Variants in STPG2 observed in about 807,000 individuals in gnomAD.
STPG2 encodes the protein sperm-tail PG-rich repeat-containing protein 2.
A neutral mutation model predicts 54.2 loss-of-function variants in STPG2; 56 were observed. That is an observed-to-expected ratio of 1.03 (90% CI 0.83 to 1.29). STPG2 has a LOEUF of 1.29. Ranked by LOEUF, STPG2 falls within the 50% of genes most tolerant of loss-of-function variation. The probability of loss-of-function intolerance (pLI) is 0.00; values close to 1 mark genes in which losing one functional copy is unlikely to be tolerated. For synonymous variants in STPG2, 200 were observed against 181.8 expected (o/e 1.10, Z -0.81); for missense variants, 596 against 544.9 (o/e 1.09, Z -0.93).
intron 9 of STPG2, among the ~76,000 whole-genome samples, chr4:97,826,765 G>A (rs1300517235): frequency 2.0e-5 from 3 of 152,166 alleles, no homozygotes; most frequent in African/African-American, 7.2e-5. Flanking sequence ...TTATTGGTAT[G>A]TATTCCAAAA....
chr4:97,728,447 G>A (rs1724687440), intron 9 of STPG2, among the ~76,000 whole-genome samples: 1 of 151,942 alleles, frequency 6.6e-6, no homozygotes, highest in African/African-American at 2.4e-5. Flanking sequence ...ACGTAACTCG[G>A]TAGAAATTAT....
chr4:97,458,786 C>A (rs1366012434), intron 4 of STPG2, among the ~76,000 whole-genome samples: 1 of 152,068 alleles, frequency 6.6e-6, no homozygotes, highest in Non-Finnish European at 1.5e-5. Flanking sequence ...AATACTGAAA[C>A]TAATCATACC....
Position 97,983,549 on chromosome 4 carries a change from C to G in STPG2, c.613-2231G>C, listed in dbSNP as rs113307832. Among the ~76,000 whole-genome samples the G allele has an allele frequency of 5.6e-3, 858 of 152,180 alleles. 4 individuals are homozygous for G. Among genetic ancestry groups the G allele is most frequent in the Middle Eastern group, 0.02 (6 of 294 alleles). ...AATTCATTACTGAGCAGGTGGGGGG[C>G]CCTTCATATTGTTTCCTATGTCCCT... is the stretch of plus-strand genomic sequence containing the variant. On this transcript the variant is annotated intron_variant, in intron 5 of 10. Transcript: ENST00000295268.
intron 7 of STPG2, among the ~76,000 whole-genome samples, chr4:97,959,830 C>A (rs1382344482): frequency 6.6e-6 from 1 of 151,996 alleles, no homozygotes; most frequent in Non-Finnish European, 1.5e-5. Context: ...AGAGGGAAAC[C>A]TCTCTAAATC....
chr4:97,959,949 C>A (rs549290095), intron 7 of STPG2, among the ~76,000 whole-genome samples: 1 of 151,990 alleles, frequency 6.6e-6, no homozygotes, highest in Non-Finnish European at 1.5e-5. Context: ...AAATCCTTAA[C>A]AAAATACTAG....
chr4:97,590,469 C>T (rs61154600), intron 10 of STPG2, among the ~76,000 whole-genome samples: 20,119 of 151,734 alleles, frequency 0.13, 4,095 homozygotes, highest in African/African-American at 0.44. Context: ...ACATCGAGGT[C>T]GTTTGTCCTA....
chr4:97,493,461 C>G (rs1205049571), intron 4 of STPG2, among the ~76,000 whole-genome samples: 2 of 150,944 alleles, frequency 1.3e-5, no homozygotes, highest in African/African-American at 4.9e-5. Flanking sequence ...TAAAGTTACT[C>G]AAGGAGAATA....
At chr4:97,652,830 CA>C (rs1722108617) in intron 10 of STPG2, among the ~76,000 whole-genome samples, 1 of 151,970 alleles carries the variant, frequency 6.6e-6, no homozygotes. Context: ...GTAGATTACA[CA>C]ACAACTCAGT....
intron 5 of STPG2, among the ~76,000 whole-genome samples, chr4:97,996,585 A>G (rs947634634): frequency 6.6e-5 from 10 of 150,902 alleles, no homozygotes; most frequent in Non-Finnish European, 1.0e-4. Context: ...ACCAATTGCA[A>G]CAAAAACAAA....
chr4:97,935,490 T>A (rs928711315), intron 8 of STPG2, among the ~76,000 whole-genome samples: 1 of 152,212 alleles, frequency 6.6e-6, no homozygotes, highest in East Asian at 1.9e-4. Flanking sequence ...TGATTTGAGA[T>A]CTTTCTAGCT....
intron 9 of STPG2, among the ~76,000 whole-genome samples, chr4:97,766,923 A>C (rs2149058754): frequency 6.6e-6 from 1 of 152,126 alleles, no homozygotes; most frequent in Middle Eastern, 3.4e-3. Context: ...GTAGTGTACA[A>C]CCACTAAATA....
At chr4:97,973,464 A>G (rs1734402876) in intron 6 of STPG2, among the ~76,000 whole-genome samples, 1 of 152,214 alleles carries the variant, frequency 6.6e-6, no homozygotes, top group African/African-American at 2.4e-5. Flanking sequence ...TGACAATGAT[A>G]GAAAAACAAA....
At chr4:97,596,206 A>G (rs891096165) in intron 10 of STPG2, among the ~76,000 whole-genome samples, 10 of 152,208 alleles carry the variant, frequency 6.6e-5, no homozygotes, top group Non-Finnish European at 2.9e-5. Context: ...TTTAACAAGA[A>G]GACCTAACTG....
chr4:97,809,252 GA>G (rs1308291121), intron 9 of STPG2, among the ~76,000 whole-genome samples: 2 of 152,104 alleles, frequency 1.3e-5, no homozygotes, highest in African/African-American at 2.4e-5. Flanking sequence ...TTGTAAAAAG[GA>G]AGGACTATAG....
intron 10 of STPG2, among the ~76,000 whole-genome samples, chr4:97,622,399 T>G (rs1222605887): frequency 2.0e-5 from 3 of 152,100 alleles, no homozygotes; most frequent in African/African-American, 7.2e-5. Flanking sequence ...GCCCAAAAGT[T>G]TCTTGATTAG....
intron 4 of STPG2, among the ~76,000 whole-genome samples, chr4:97,486,837 A>G (rs1228140026): frequency 1.4e-5 from 2 of 141,252 alleles, no homozygotes; most frequent in African/African-American, 5.6e-5. Flanking sequence ...GTGTATATAT[A>G]TATATATATA....
In STPG2 at chr4:97,676,750, T is replaced by C. The variant is rs191319975; in HGVS notation, c.1320+35949A>G. 3.6e-3 allele frequency among the ~76,000 whole-genome samples: 548 copies of C among 152,318 alleles called. 5 individuals are homozygous for C. Among genetic ancestry groups the C allele is most frequent in the African/African-American group, 0.013 (521 of 41,582 alleles). ...TATAAAATGACAATATTGGAGGATGTATTCTCAATGGTTTCTGTGAATTCT... is the reference window on the plus strand; with the variant it reads ...TATAAAATGACAATATTGGAGGATGCATTCTCAATGGTTTCTGTGAATTCT... On this transcript the variant is annotated intron_variant, in intron 10 of 10. Transcript: ENST00000295268.
chr4:97,993,630 C>T (rs1332874042), intron 5 of STPG2, among the ~76,000 whole-genome samples: 1 of 151,750 alleles, frequency 6.6e-6, no homozygotes, highest in East Asian at 1.9e-4. Flanking sequence ...GATTCCCTCT[C>T]TATCTTGTGG....
chr4:97,959,022 C>T (rs970293946), intron 7 of STPG2, among the ~76,000 whole-genome samples: 1 of 151,862 alleles, frequency 6.6e-6, no homozygotes, highest in African/African-American at 2.4e-5. Context: ...ATTACAAGCA[C>T]TCTTTCAGAC....
Sources: gnomAD v4.1 joint callset for allele counts (sites outside exome capture counted in the v4.1 genomes callset) on GRCh38, gnomAD v4.1.1 for gene constraint, MANE v1.5 for transcripts, NCBI Gene and HGNC (gene_info 2026-07-23, HGNC 2026-07-21) for gene names.